The following CCT8 variants were observed in gnomAD, a reference collection of about 807,000 sequenced individuals.
CCT8 encodes T-complex protein 1 subunit theta.
A neutral mutation model predicts 65.7 loss-of-function variants in CCT8; 10 were observed. That is an observed-to-expected ratio of 0.15 (90% CI 0.09 to 0.26). The LOEUF is 0.26. Among genes scored for constraint, CCT8 ranks in the 10% least tolerant of loss-of-function variants. The pLI, the probability that CCT8 is intolerant of heterozygous loss-of-function variation, is 1.00. For missense variants in CCT8, 568 were observed against 669.1 expected, an observed-to-expected ratio of 0.85 and a Z score of 1.67; for synonymous variants, 199 against 221.8, an observed-to-expected ratio of 0.90 and a Z score of 0.92.
chr21:29,065,496 C>T (rs1381756868), intron 6 of CCT8, among the ~76,000 whole-genome samples: 3 of 152,152 alleles, frequency 2.0e-5, no homozygotes, highest in South Asian at 2.1e-4. Flanking sequence ...GCTGGCAGTA[C>T]GTGGAGGGAG....
At chr21:29,062,736 C>G in intron 8 of CCT8, 180 bp from the exon 9 acceptor site, 1 of 610,524 alleles carries the variant, frequency 1.6e-6, no homozygotes, top group Non-Finnish European at 2.9e-6. Context: ...ATTCCTGACT[C>G]TCTGAGTGAG....
chr21:29,071,902 A>G, intron 1 of CCT8: 1 of 696,312 alleles, frequency 1.4e-6, no homozygotes, highest in South Asian at 1.5e-5. Context: ...TTTCAAGGAA[A>G]CAAGGCCCTA....
Position 29,062,590 on chromosome 21 carries a change from TAATC to T in CCT8, c.942-38_942-35del, listed in dbSNP as rs765797471. 4.0e-5 allele frequency: 62 copies of T among 1,562,702 alleles called. 1 individual carries two copies. The South Asian group carries it at 6.6e-4, about 17-fold the overall frequency. The stretch of plus-strand genomic sequence containing the variant: ...AACACAAAGACCTTAATAAAAGTTT[TAATC>T]AATTTCAGATAGCATATAAAGTTCA... On this transcript the variant is annotated intron_variant, in intron 8 of 14. Coordinates refer to ENST00000286788, the MANE Select transcript of CCT8 (RefSeq NM_006585.4).
At position 29,062,486 on chromosome 21, in the gene CCT8, A is replaced by C. The variant is rs376145854; in HGVS notation, c.1008+4T>G. ...TATCTTTTAGTGTTTTCCAAAATAC[A>C]TACCAATCTAGGAAGAGCTGTAGCA... On this transcript the variant is annotated splice_donor_region_variant and intron_variant, in intron 9 of 14. Coordinates refer to ENST00000286788, the MANE Select transcript of CCT8 (RefSeq NM_006585.4). 8 of 1,613,496 alleles carry C rather than the reference A, an allele frequency of 5.0e-6. No individual in the cohort carries two copies. Among genetic ancestry groups the C allele is most frequent in the African/African-American group, 1.3e-5 (1 of 74,946 alleles).
intron 7 of CCT8, among the ~76,000 whole-genome samples, chr21:29,064,229 GC>G (rs2085595054): frequency 6.6e-6 from 1 of 151,368 alleles, no homozygotes; most frequent in Non-Finnish European, 1.5e-5. Flanking sequence ...ACTCTGGGAG[GC>G]CAAGGCGGGT....
In CCT8 at chr21:29,073,620, C is replaced by A. The variant is rs1484475387; in HGVS notation, c.-30G>T. ...AGCCTGCAGGAAGCAGTTCACGCGA[C>A]CGCTCGGAAGACCGCGGAGGAAGCG... is the stretch of plus-strand genomic sequence containing the variant. On this transcript the variant is annotated 5_prime_UTR_variant, in exon 1 of 15. Transcript: ENST00000286788. 16 of 1,610,944 alleles carry A rather than the reference C, an allele frequency of 9.9e-6. No individual in the cohort carries two copies. The highest frequency in any genetic ancestry group is 1.3e-5 in the Non-Finnish European group (15 of 1,177,510).
At chr21:29,065,942 A>C (rs1291766392) in intron 6 of CCT8, among the ~76,000 whole-genome samples, 1 of 151,938 alleles carries the variant, frequency 6.6e-6, no homozygotes, top group South Asian at 2.1e-4. Context: ...AATTAGCTGG[A>C]CATGGTGGCA....
At chr21:29,071,871 T>C (rs895027358) in intron 1 of CCT8, 22 of 692,456 alleles carry the variant, frequency 3.2e-5, no homozygotes, top group South Asian at 2.0e-4. Context: ...CCAACCAGCT[T>C]AGGATAAAAT....
chr21:29,061,629 T>C (rs1233604135), intron 11 of CCT8, 62 bp from the exon 12 acceptor site: 18 of 1,535,074 alleles, frequency 1.2e-5, no homozygotes, highest in Non-Finnish European at 1.6e-5. Context: ...AAAAATCAGT[T>C]TGCAGTTTTC....
chr21:29,069,486 A>G lies in CCT8; in HGVS notation c.168T>C (p.Val56=), dbSNP rs1227584701. ...CAAACAACTTCTCCAAGTGGTTGATAACCATTTTGTTCATTCCTCAAAAGT... is the reference window on the plus strand; with the variant it reads ...CAAACAACTTCTCCAAGTGGTTGATGACCATTTTGTTCATTCCTCAAAAGT... ...AYGPNGMNKM[V]INHLEKLFVT... Residue 56 remains valine (V), a synonymous_variant, in exon 3 of 15, where the codon GTT becomes GTC. Transcript: ENST00000286788. The G allele has an allele frequency of 1.3e-6, 2 of 1,572,742 alleles. No individual in the cohort carries two copies. Among genetic ancestry groups the G allele is most frequent in the Admixed American group, 1.9e-5 (1 of 53,880 alleles).
intron 11 of CCT8, 121 bp from the exon 12 acceptor site, chr21:29,061,688 C>T (rs2085566196): frequency 1.0e-6 from 1 of 966,728 alleles, no homozygotes; most frequent in African/African-American, 1.7e-5. Context: ...TTTTATCAGT[C>T]ATTGTTACTC....
intron 6 of CCT8, among the ~76,000 whole-genome samples, chr21:29,066,064 A>G (rs951240398): frequency 6.9e-6 from 1 of 144,802 alleles, no homozygotes; most frequent in African/African-American, 2.6e-5. Flanking sequence ...CCTGGGCAAC[A>G]GAGCCAGACT....
In CCT8 at chr21:29,061,492, G is replaced by T. The variant is rs2085563411; in HGVS notation, c.1284+4C>A. 6.2e-7 allele frequency: 1 copy of T among 1,613,518 alleles called. No homozygotes were observed. The highest frequency in any genetic ancestry group is 1.7e-5 in the Admixed American group (1 of 59,988). On this transcript the variant is annotated splice_donor_region_variant and intron_variant, in intron 12 of 14. Coordinates refer to ENST00000286788, the MANE Select transcript of CCT8 (RefSeq NM_006585.4). Reference sequence around the variant, plus strand: ...AAAGTCAATTTATACAGAAAAAGCTGTACCTCTCCATATGATGTGATCTGT... The same window carrying T: ...AAAGTCAATTTATACAGAAAAAGCTTTACCTCTCCATATGATGTGATCTGT...
intron 5 of CCT8, 44 bp from the exon 6 acceptor site, chr21:29,066,821 C>T (rs764327507): frequency 1.0e-5 from 16 of 1,578,734 alleles, no homozygotes; most frequent in Non-Finnish European, 1.4e-5. Context: ...TTTGGGACAA[C>T]AGAGAAAGTA....
chr21:29,059,350 C>G (rs958332552), intron 14 of CCT8: 5 of 152,172 alleles, frequency 3.3e-5, no homozygotes, highest in African/African-American at 1.2e-4. Flanking sequence ...ACTGGGGGAA[C>G]AGATCAACCA....
chr21:29,068,059 A>G (rs988127107), intron 3 of CCT8, among the ~76,000 whole-genome samples: 4 of 152,260 alleles, frequency 2.6e-5, no homozygotes, highest in African/African-American at 9.6e-5. Context: ...CTTCAGGAGA[A>G]CTAAAATAGA....
intron 14 of CCT8, chr21:29,059,796 C>T (rs940155557): frequency 6.6e-6 from 1 of 152,168 alleles, no homozygotes; most frequent in Non-Finnish European, 1.5e-5. Context: ...ATAATTACCA[C>T]CAACTGGTCC....
chr21:29,070,149 C>A, intron 2 of CCT8, 98 bp downstream of exon 2: 1 of 623,132 alleles, frequency 1.6e-6, no homozygotes, highest in Non-Finnish European at 2.6e-6. Flanking sequence ...AATTAACTTC[C>A]GAAGTCATAC....
chr21:29,069,230 T>G (rs888800020), intron 3 of CCT8, among the ~76,000 whole-genome samples, 193 bp downstream of exon 3: 1 of 152,150 alleles, frequency 6.6e-6, no homozygotes, highest in Non-Finnish European at 1.5e-5. Context: ...ACTTGAGAGA[T>G]TTTTAAGATT....
Sources: allele counts gnomAD v4.1 joint callset (sites outside exome capture counted in the v4.1 genomes callset), GRCh38; gene constraint gnomAD v4.1.1; transcripts MANE v1.5; gene names NCBI Gene and HGNC (gene_info 2026-07-23, HGNC 2026-07-21).